The following MAP3K5 variants were observed in gnomAD, a reference collection of about 807,000 sequenced individuals.
MAP3K5 encodes mitogen-activated protein kinase kinase kinase 5, also known as ASK-1.
Under a neutral mutation model 158.7 loss-of-function variants are expected in MAP3K5, and 56 were observed. The observed-to-expected ratio is 0.35, with a 90% CI of 0.28 to 0.44. MAP3K5 has a LOEUF of 0.44. Among genes scored for constraint, MAP3K5 ranks in the 20% least tolerant of loss-of-function variants. The probability of loss-of-function intolerance (pLI) is 1.00; values close to 1 mark genes in which losing one functional copy is unlikely to be tolerated. For synonymous variants in MAP3K5, 579 were observed against 601.7 expected (o/e 0.96, Z 0.55); for missense variants, 1,294 against 1,674.8 (o/e 0.77, Z 3.97).
In MAP3K5 at chr6:136,659,273, T is replaced by G. The variant is rs1442429786; in HGVS notation, c.1472A>C (p.His491Pro). 1.2e-6 allele frequency: 2 copies of G among 1,614,140 alleles called. No individual in the cohort carries two copies. The highest frequency in any genetic ancestry group is 2.2e-5 in the South Asian group (2 of 91,086). The stretch of plus-strand genomic sequence containing the variant: ...TTCAGATGCTTGAATGACTCTCATG[T>G]GGTCATTGGCTAGGACGCTGGCCCC... ...FLGASVLAND[H>P]MRVIQASEKL... The change falls in exon 9 of 30, where the codon CAC (histidine) becomes CCC (proline). Residue 491 changes from histidine (H) to proline (P), a missense_variant. Physicochemically the swap from His to Pro is moderately conservative, Grantham distance 77. Transcript: ENST00000359015.
chr6:136,785,999 C>T (rs941973191), intron 1 of MAP3K5, among the ~76,000 whole-genome samples: 4 of 152,142 alleles, frequency 2.6e-5, no homozygotes, highest in Non-Finnish European at 4.4e-5. Context: ...AAACATTTAA[C>T]CTGAATGAAT....
intron 28 of MAP3K5, among the ~76,000 whole-genome samples, chr6:136,561,090 A>G (rs1830490691): frequency 6.6e-6 from 1 of 152,032 alleles, no homozygotes; most frequent in Non-Finnish European, 1.5e-5. Flanking sequence ...TCAAATACAT[A>G]AAATTCCTAA....
intron 1 of MAP3K5, among the ~76,000 whole-genome samples, chr6:136,759,302 G>A (rs1783634535): frequency 1.3e-5 from 2 of 151,520 alleles, no homozygotes; most frequent in African/African-American, 2.4e-5. Flanking sequence ...AGGCAAAGAC[G>A]AACAAGAAGT....
intron 1 of MAP3K5, among the ~76,000 whole-genome samples, chr6:136,778,294 T>A (rs940459157): frequency 2.0e-5 from 3 of 152,102 alleles, no homozygotes; most frequent in Non-Finnish European, 4.4e-5. Context: ...TATACTATTG[T>A]GAAAGATTTT....
At chr6:136,702,179 C>CA (rs1780882475) in intron 3 of MAP3K5, among the ~76,000 whole-genome samples, 1 of 146,382 alleles carries the variant, frequency 6.8e-6, no homozygotes, top group African/African-American at 2.5e-5. Flanking sequence ...CTAAGGCAAT[C>CA]TTTTTTTTTT....
At chr6:136,672,407 C>T (rs948995735) in intron 7 of MAP3K5, among the ~76,000 whole-genome samples, 1 of 152,170 alleles carries the variant, frequency 6.6e-6, no homozygotes, top group Non-Finnish European at 1.5e-5. Flanking sequence ...TGAGATTAGG[C>T]TTGGGCTTGG....
chr6:136,621,082 T>C, intron 15 of MAP3K5, among the ~76,000 whole-genome samples: 1 of 152,342 alleles, frequency 6.6e-6, no homozygotes, highest in Admixed American at 6.5e-5. Flanking sequence ...TTATACATTT[T>C]GTAGTTGTCA....
intron 15 of MAP3K5, among the ~76,000 whole-genome samples, chr6:136,622,149 C>A (rs2129096064): frequency 6.6e-6 from 1 of 151,900 alleles, no homozygotes; most frequent in East Asian, 1.9e-4. Flanking sequence ...AATGGGATTT[C>A]TCTTATTTCA....
intron 2 of MAP3K5, among the ~76,000 whole-genome samples, chr6:136,719,494 G>T (rs185894713): frequency 1.2e-3 from 185 of 152,292 alleles, no homozygotes; most frequent in African/African-American, 4.2e-3. Context: ...TCAATCACCA[G>T]CACAATGCCT....
At position 136,661,063 on chromosome 6, in the gene MAP3K5, G is replaced by C. The variant is rs577354295; in HGVS notation, c.1367-1685C>G. ...CATCTTACTAGTTTCCATATTAGTTGAGTTAAATAAAATATTTTCTATGTG... is the reference window on the plus strand; with the variant it reads ...CATCTTACTAGTTTCCATATTAGTTCAGTTAAATAAAATATTTTCTATGTG... On this transcript the variant is annotated intron_variant, in intron 8 of 29. Transcript: ENST00000359015. Among the ~76,000 whole-genome samples, 34 of 151,924 alleles carry C rather than the reference G, an allele frequency of 2.2e-4. No homozygotes were observed. The South Asian group carries it at 6.9e-3, about 31-fold the overall frequency.
intron 2 of MAP3K5, among the ~76,000 whole-genome samples, chr6:136,717,993 T>A (rs1260206059): frequency 6.6e-6 from 1 of 152,190 alleles, no homozygotes; most frequent in Non-Finnish European, 1.5e-5. Flanking sequence ...AGCAGGAATA[T>A]ATGATATAAT....
intron 1 of MAP3K5, among the ~76,000 whole-genome samples, chr6:136,743,615 A>G (rs1349962413): frequency 6.6e-6 from 1 of 152,244 alleles, no homozygotes; most frequent in Non-Finnish European, 1.5e-5. Flanking sequence ...ACTTTGCAAG[A>G]CAGTCTGGTG....
At chr6:136,766,166 C>G (rs550434154) in intron 1 of MAP3K5, among the ~76,000 whole-genome samples, 3 of 152,208 alleles carry the variant, frequency 2.0e-5, no homozygotes, top group Admixed American at 6.5e-5. Context: ...CCACTTCCCA[C>G]CCTGGGGAGA....
intron 14 of MAP3K5, among the ~76,000 whole-genome samples, chr6:136,633,397 G>GA (rs1270130370): frequency 6.7e-6 from 1 of 148,982 alleles, no homozygotes; most frequent in African/African-American, 2.5e-5. Context: ...GACTCTGTCT[G>GA]AAAAAAAATA....
intron 1 of MAP3K5, among the ~76,000 whole-genome samples, chr6:136,737,037 G>GTATATATATATATATATATATATATA (rs56011325): frequency 2.8e-4 from 35 of 126,896 alleles, no homozygotes; most frequent in African/African-American, 1.3e-3. Context: ...ATATGTGTGT[G>GTATATATATATATATATATATATATA]TATATATATA....
intron 12 of MAP3K5, among the ~76,000 whole-genome samples, chr6:136,640,657 G>A (rs1406979755): frequency 6.6e-6 from 1 of 152,186 alleles, no homozygotes; most frequent in Admixed American, 6.5e-5. Context: ...CTGCTGGGCT[G>A]TGAATTCCTC....
intron 23 of MAP3K5, among the ~76,000 whole-genome samples, chr6:136,589,352 T>A (rs978420951): frequency 6.6e-6 from 1 of 152,080 alleles, no homozygotes; most frequent in Non-Finnish European, 1.5e-5. Flanking sequence ...GTAGATGAGT[T>A]CCCAGTACCC....
chr6:136,583,310 G>A (rs1175321926), intron 24 of MAP3K5, among the ~76,000 whole-genome samples: 1 of 152,126 alleles, frequency 6.6e-6, no homozygotes, highest in African/African-American at 2.4e-5. Flanking sequence ...TCAGCCATGG[G>A]AAATATTTTG....
At chr6:136,688,186 G>A (rs991357418) in intron 7 of MAP3K5, among the ~76,000 whole-genome samples, 6 of 152,064 alleles carry the variant, frequency 3.9e-5, no homozygotes, top group African/African-American at 7.2e-5. Context: ...ACCAAACACC[G>A]CATGTTCTCA....
Sources: allele counts gnomAD v4.1 joint callset (sites outside exome capture counted in the v4.1 genomes callset), GRCh38; gene constraint gnomAD v4.1.1; transcripts MANE v1.5; gene names NCBI Gene and HGNC (gene_info 2026-07-23, HGNC 2026-07-21).